Variants in DGKB observed in about 807,000 individuals in gnomAD.
DGKB encodes 90 kDa diacylglycerol kinase.
In DGKB, 67 loss-of-function variants were observed where a neutral mutation model predicts 114.3. The ratio of observed to expected loss-of-function variants is 0.59; its 90% CI spans 0.48 to 0.72. DGKB has a LOEUF of 0.72. Among genes scored for constraint, DGKB ranks in the 30% least tolerant of loss-of-function variants. DGKB has a pLI of 0.00. For synonymous variants in DGKB, 398 were observed against 323.1 expected, an observed-to-expected ratio of 1.23 and a Z score of -2.49; for missense variants, 907 against 975.2, an observed-to-expected ratio of 0.93 and a Z score of 0.93.
intron 20 of DGKB, among the ~76,000 whole-genome samples, chr7:14,482,771 C>A (rs961435154): frequency 1.3e-5 from 2 of 152,078 alleles, no homozygotes; most frequent in Admixed American, 6.6e-5. Flanking sequence ...TCCTGACAAT[C>A]ATTACCTGAA....
rs1170663125 is a variant in DGKB, at chr7:14,342,725, A to T, written c.1926+2576T>A. ...TTTGATAAAGACTAAATCAAATAAT[A>T]TATGTGCATTGTTTAGCATCACCTG... On this transcript the variant is annotated intron_variant, in intron 22 of 25. Transcript: ENST00000402815. Among the ~76,000 whole-genome samples, 3 of 152,080 alleles carry T rather than the reference A, an allele frequency of 2.0e-5. No homozygotes were observed. The East Asian group carries it at 5.8e-4, about 29-fold the overall frequency.
intron 1 of DGKB, among the ~76,000 whole-genome samples, chr7:14,974,202 G>C (rs1787658251): frequency 6.6e-6 from 1 of 151,986 alleles, no homozygotes; most frequent in South Asian, 2.1e-4. Flanking sequence ...AATACTGGCA[G>C]CTGTGCATTT....
At chr7:14,914,337 T>TC (rs1784134890) in intron 1 of DGKB, among the ~76,000 whole-genome samples, 1 of 152,108 alleles carries the variant, frequency 6.6e-6, no homozygotes, top group Non-Finnish European at 1.5e-5. Context: ...TATAGAAAAC[T>TC]ACACGCCCAA....
intron 20 of DGKB, among the ~76,000 whole-genome samples, chr7:14,553,137 C>A (rs1296501441): frequency 3.3e-5 from 5 of 152,202 alleles, no homozygotes; most frequent in Non-Finnish European, 1.5e-5. Context: ...ATTCATTCTA[C>A]AAAATGAATC....
At chr7:14,184,367 C>T (rs948111165) in intron 23 of DGKB, among the ~76,000 whole-genome samples, 1 of 152,116 alleles carries the variant, frequency 6.6e-6, no homozygotes, top group African/African-American at 2.4e-5. Context: ...CCTTTTCTTT[C>T]GCAGTTGGGA....
chr7:14,459,596 G>A (rs1244660515), intron 21 of DGKB, among the ~76,000 whole-genome samples: 2 of 152,124 alleles, frequency 1.3e-5, no homozygotes, highest in African/African-American at 4.8e-5. Context: ...AGAAATGCGG[G>A]ACTATGTAAA....
chr7:14,932,958 C>G (rs1785101472), intron 1 of DGKB, among the ~76,000 whole-genome samples: 1 of 152,144 alleles, frequency 6.6e-6, no homozygotes, highest in Admixed American at 6.6e-5. Flanking sequence ...GGCACTGGAG[C>G]TGCTACTGTC....
intron 1 of DGKB, among the ~76,000 whole-genome samples, chr7:14,890,205 G>A (rs1196064241): frequency 6.6e-6 from 1 of 151,446 alleles, no homozygotes; most frequent in Non-Finnish European, 1.5e-5. Context: ...TTAGGTCACA[G>A]CTAACCCTAT....
intron 23 of DGKB, among the ~76,000 whole-genome samples, chr7:14,271,788 A>G (rs1798306200): frequency 6.6e-6 from 1 of 152,232 alleles, no homozygotes; most frequent in Admixed American, 6.5e-5. Flanking sequence ...AATTGGTTTT[A>G]CCAGTATCCT....
intron 2 of DGKB, among the ~76,000 whole-genome samples, chr7:14,807,427 T>G (rs1842911563): frequency 6.6e-6 from 1 of 152,008 alleles, no homozygotes; most frequent in Non-Finnish European, 1.5e-5. Context: ...CATTAGATAA[T>G]TTTTTGTATA....
chr7:14,329,559 G>A (rs980602390), intron 23 of DGKB, among the ~76,000 whole-genome samples: 3 of 151,816 alleles, frequency 2.0e-5, no homozygotes, highest in African/African-American at 7.2e-5. Flanking sequence ...ACTTTCTGTA[G>A]CTGATTTCAT....
At position 14,822,954 on chromosome 7, in the gene DGKB, T is replaced by C. The variant is rs550465998; in HGVS notation, c.70+18240A>G. Among the ~76,000 whole-genome samples the C allele has an allele frequency of 5.9e-5, 9 of 152,186 alleles. No individual in the cohort carries two copies. In the East Asian group the frequency reaches 1.4e-3, roughly 23 times the overall value. On this transcript the variant is annotated intron_variant, in intron 2 of 25. Coordinates refer to ENST00000402815, the MANE Select transcript of DGKB (RefSeq NM_001350709.2). ...TTCTACATAATATCTTAATTATAATTGGATAATTCAATCCATTTTCAGCTG... is the reference window on the plus strand; with the variant it reads ...TTCTACATAATATCTTAATTATAATCGGATAATTCAATCCATTTTCAGCTG...
intron 21 of DGKB, among the ~76,000 whole-genome samples, chr7:14,428,982 TTAA>T (rs1828012446): frequency 6.6e-6 from 1 of 152,086 alleles, no homozygotes; most frequent in Admixed American, 6.6e-5. Context: ...AGTTGGTGGT[TTAA>T]TAATACAGGA....
At chr7:14,851,248 T>A (rs186258046) in intron 1 of DGKB, among the ~76,000 whole-genome samples, 2 of 152,048 alleles carry the variant, frequency 1.3e-5, no homozygotes, top group African/African-American at 4.8e-5. Flanking sequence ...AAAGAAAAAA[T>A]TCAAGGGAAA....
chr7:14,858,376 C>A (rs934840044), intron 1 of DGKB, among the ~76,000 whole-genome samples: 3 of 152,078 alleles, frequency 2.0e-5, no homozygotes, highest in Non-Finnish European at 2.9e-5. Flanking sequence ...TATGAACATA[C>A]TTTTCTCTTA....
rs531780948 is a variant in DGKB, at chr7:14,632,496, AT to A, written c.1135-2229del. On this transcript the variant is annotated intron_variant, in intron 13 of 25. Transcript: ENST00000402815. ...TGAATATATGTGGAAAATATATTGG[AT>A]TTTTTTATTGTTAGTGAATATTTTC... 1.4e-4 allele frequency among the ~76,000 whole-genome samples: 22 copies of A among 151,922 alleles called. 1 individual carries two copies. In the East Asian group the frequency reaches 3.7e-3, roughly 25 times the overall value.
chr7:14,215,554 A>T (rs1788815918), intron 23 of DGKB, among the ~76,000 whole-genome samples: 1 of 152,180 alleles, frequency 6.6e-6, no homozygotes, highest in South Asian at 2.1e-4. Flanking sequence ...CAATTAGCAT[A>T]CAAATGTTTT....
chr7:14,407,806 G>A (rs1053347588), intron 21 of DGKB, among the ~76,000 whole-genome samples: 1 of 151,964 alleles, frequency 6.6e-6, no homozygotes, highest in Non-Finnish European at 1.5e-5. Flanking sequence ...TGGACTTTGA[G>A]ACTCTTGGCA....
intron 23 of DGKB, among the ~76,000 whole-genome samples, chr7:14,243,336 T>A (rs2128370633): frequency 6.6e-6 from 1 of 152,270 alleles, no homozygotes; most frequent in Non-Finnish European, 1.5e-5. Flanking sequence ...GGAACTGAAC[T>A]CATTTCCTTT....
Sources: gnomAD v4.1 joint callset for allele counts (sites outside exome capture counted in the v4.1 genomes callset) on GRCh38, gnomAD v4.1.1 for gene constraint, MANE v1.5 for transcripts, NCBI Gene and HGNC (gene_info 2026-07-23, HGNC 2026-07-21) for gene names.